The following F10 variants were observed in gnomAD, a reference collection of about 807,000 sequenced individuals.
The protein encoded by F10 is Stuart-Prower factor.
In F10, 29 loss-of-function variants were observed where a neutral mutation model predicts 37.1. That is an observed-to-expected ratio of 0.78 (90% CI 0.58 to 1.07). The LOEUF (loss-of-function observed/expected upper bound fraction) is 1.07. Ranked by LOEUF, F10 falls within the 50% of genes least tolerant of loss-of-function variation. F10 has a pLI of 0.00. For synonymous variants in F10, 262 were observed against 268.6 expected (o/e 0.98, Z 0.24); for missense variants, 539 against 667.9 (o/e 0.81, Z 2.13).
chr13:113,122,975 A>G, intron 1 of F10, 50 bp downstream of exon 1: 1 of 1,590,900 alleles, frequency 6.3e-7, no homozygotes, highest in Admixed American at 1.7e-5. Flanking sequence ...GGGAGCAGGG[A>G]GGGGCGGCAG....
At chr13:113,138,420 T>C (rs2036498493) in intron 2 of F10, 37 bp from the exon 3 acceptor site, 1 of 1,030,700 alleles carries the variant, frequency 9.7e-7, no homozygotes, top group Non-Finnish European at 1.5e-6. Context: ...GTCTCTGTTT[T>C]CCCTAATATA....
At chr13:113,134,633 G>A (rs1301866926) in intron 2 of F10, among the ~76,000 whole-genome samples, 1 of 152,164 alleles carries the variant, frequency 6.6e-6, no homozygotes, top group Non-Finnish European at 1.5e-5. Flanking sequence ...AGATTTGGGT[G>A]GGGACAGAGC....
intron 7 of F10, among the ~76,000 whole-genome samples, chr13:113,148,345 A>AAAAAAAATATAT (rs1300922846): frequency 3.1e-5 from 3 of 95,436 alleles, no homozygotes; most frequent in African/African-American, 1.2e-4. Flanking sequence ...AAAAAAAAAA[A>AAAAAAAATATAT]ATATATATAT....
intron 5 of F10, among the ~76,000 whole-genome samples, chr13:113,142,383 T>C (rs1289011790): frequency 1.6e-4 from 10 of 61,482 alleles, no homozygotes; most frequent in African/African-American, 4.5e-4. Flanking sequence ...CTAGTAAAAA[T>C]ACAAAAAAAA....
chr13:113,137,092 C>G (rs991666654), intron 2 of F10, among the ~76,000 whole-genome samples: 8 of 152,220 alleles, frequency 5.3e-5, no homozygotes, highest in Admixed American at 2.0e-4. Flanking sequence ...GCCAGCAACT[C>G]TATTCTTAAT....
intron 7 of F10, among the ~76,000 whole-genome samples, chr13:113,148,330 C>CAAAAA (rs780002275): frequency 1.8e-3 from 165 of 90,830 alleles, no homozygotes; most frequent in South Asian, 3.3e-3. Flanking sequence ...AACTCTGTCT[C>CAAAAA]AAAAAAAAAA....
chr13:113,132,209 C>A (rs1034985475), intron 2 of F10, among the ~76,000 whole-genome samples: 2 of 152,164 alleles, frequency 1.3e-5, no homozygotes, highest in African/African-American at 2.4e-5. Context: ...TTAGAATTTT[C>A]GGAAATATTT....
chr13:113,129,694 G>C, intron 2 of F10, 82 bp downstream of exon 2: 1 of 1,583,088 alleles, frequency 6.3e-7, no homozygotes, highest in East Asian at 2.2e-5. Context: ...CGTCCATCCA[G>C]GGGGGCGGCC....
chr13:113,123,882 G>A (rs562413762), intron 1 of F10, among the ~76,000 whole-genome samples: 1 of 152,274 alleles, frequency 6.6e-6, no homozygotes, highest in African/African-American at 2.4e-5. Flanking sequence ...CGCGGAACGG[G>A]ACTCCCGTCT....
In F10 at chr13:113,122,877, G is replaced by T; in HGVS notation, c.22G>T (p.Val8Phe). The T allele has an allele frequency of 6.2e-7, 1 of 1,610,812 alleles. No individual in the cohort carries two copies. Among genetic ancestry groups the T allele is most frequent in the Non-Finnish European group, 8.5e-7 (1 of 1,180,016 alleles). Residue 8 changes from valine to phenylalanine, a missense_variant, in exon 1 of 8, where the codon GTC (valine) becomes TTC (phenylalanine). Coordinates refer to ENST00000375559, the MANE Select transcript of F10 (RefSeq NM_000504.4). ...CACCATGGGGCGCCCACTGCACCTC[G>T]TCCTGCTCAGTGCCTCCCTGGCTGG... MGRPLHL[V>F]LLSASLAGLL... is the part of the protein sequence containing the mutation.
In F10 at chr13:113,144,998, C is replaced by T. The variant is rs928003370; in HGVS notation, c.747+903C>T. 6.6e-6 allele frequency among the ~76,000 whole-genome samples: 1 copy of T among 152,164 alleles called. No individual in the cohort carries two copies. Among genetic ancestry groups the T allele is most frequent in the Non-Finnish European group, 1.5e-5 (1 of 68,034 alleles). The stretch of plus-strand genomic sequence containing the variant: ...GGTTCATGTCATTCTCCTGCTTCAG[C>T]CTCCCGAGTAGCTGGGACTACAGGC... On this transcript the variant is annotated intron_variant, in intron 6 of 7. Coordinates refer to ENST00000375559, the MANE Select transcript of F10 (RefSeq NM_000504.4). This position sits in a 1 kb window ranked among gnomAD's most constrained non-coding sequence, Gnocchi z 6.4.
chr13:113,129,695 G>A, intron 2 of F10, 83 bp downstream of exon 2: 1 of 1,582,200 alleles, frequency 6.3e-7, no homozygotes, highest in Non-Finnish European at 8.7e-7. Flanking sequence ...GTCCATCCAG[G>A]GGGGCGGCCT....
chr13:113,140,539 C>T (rs891346392), intron 4 of F10: 4 of 486,460 alleles, frequency 8.2e-6, no homozygotes, highest in Non-Finnish European at 1.7e-5. Flanking sequence ...GCTCCCAGGG[C>T]TATTATGCAC....
At chr13:113,126,260 C>G (rs2036369112) in intron 1 of F10, among the ~76,000 whole-genome samples, 2 of 152,160 alleles carry the variant, frequency 1.3e-5, no homozygotes, top group Non-Finnish European at 1.5e-5. Flanking sequence ...GCCACCTGTA[C>G]CCTCTTCCTC....
intron 1 of F10, among the ~76,000 whole-genome samples, chr13:113,127,269 AATTTTGGACATGGAG>A (rs1169344263): frequency 6.6e-6 from 1 of 152,154 alleles, no homozygotes; most frequent in Non-Finnish European, 1.5e-5. Context: ...TCTTGTTTTA[AATTTTGGACATGGAG>A]AGTTTGGAGT....
At position 113,129,535 on chromosome 13, in the gene F10, C is replaced by T. The variant is rs755187056; in HGVS notation, c.154C>T (p.His52Tyr). ...NSFLEEMKKG[H>Y]LERECMEETC... ...CTTTCTTGAAGAGATGAAGAAAGGACACCTCGAAAGAGAGTGCATGGAAGA... is the reference window on the plus strand; with the variant it reads ...CTTTCTTGAAGAGATGAAGAAAGGATACCTCGAAAGAGAGTGCATGGAAGA... Residue 52 changes from histidine (H) to tyrosine (Y), a missense_variant, in exon 2 of 8, where the codon CAC becomes TAC. Physicochemically the swap from His to Tyr is moderately conservative, Grantham distance 83. This residue lies in a region of F10 where 130 missense variants were observed against 120.0 expected (regional missense o/e 1.08). Coordinates refer to ENST00000375559, the MANE Select transcript of F10 (RefSeq NM_000504.4). 1.9e-6 allele frequency: 3 copies of T among 1,614,100 alleles called. No individual in the cohort carries two copies. In the Admixed American group the frequency reaches 5.0e-5, roughly 27 times the overall value.
chr13:113,135,191 C>T (rs1266623685), intron 2 of F10, among the ~76,000 whole-genome samples: 2 of 148,748 alleles, frequency 1.3e-5, no homozygotes, highest in Non-Finnish European at 3.0e-5. Flanking sequence ...TGCAGTGAGC[C>T]AAGATCAAGC....
Position 113,139,261 on chromosome 13 carries a change from T to C in F10, c.257-96T>C. Reference sequence around the variant, plus strand: ...AGAGAAACCGGAAGACTCTTCCAGTTATCTGAACGGCAGGGCCAAGGTTAG... The same window carrying C: ...AGAGAAACCGGAAGACTCTTCCAGTCATCTGAACGGCAGGGCCAAGGTTAG... On this transcript the variant is annotated intron_variant, in intron 3 of 7. Transcript: ENST00000375559. This position sits in a 1 kb window ranked among gnomAD's most constrained non-coding sequence, Gnocchi z 5.2. The C allele has an allele frequency of 1.1e-6, 1 of 932,420 alleles. No individual in the cohort carries two copies. The allele number at this position is 932,420 out of a possible 1,614,324, so 57.8% of individuals were successfully genotyped here.
chr13:113,142,626 T>C lies in F10; in HGVS notation c.503-1225T>C, dbSNP rs1400195557. On this transcript the variant is annotated intron_variant, in intron 5 of 7. Coordinates refer to ENST00000375559, the MANE Select transcript of F10 (RefSeq NM_000504.4). ...GAAAATAAAATTACATAATCTACTT[T>C]GTAGTGCAAAAAGTTCAGGCTGGGC... Among the ~76,000 whole-genome samples, 2 of 146,846 alleles carry C rather than the reference T, an allele frequency of 1.4e-5. 1 individual carries two copies.
Sources: allele counts gnomAD v4.1 joint callset (sites outside exome capture counted in the v4.1 genomes callset), GRCh38; gene constraint gnomAD v4.1.1; regional missense constraint gnomAD v4.1.1; non-coding constraint Gnocchi (gnomAD v3.1); transcripts MANE v1.5; gene names NCBI Gene and HGNC (gene_info 2026-07-23, HGNC 2026-07-21).